SHISA9: variants seen among roughly 807,000 people sequenced by gnomAD.
The protein encoded by SHISA9 is protein shisa-9.
In SHISA9, 13 loss-of-function variants were observed where a neutral mutation model predicts 38.0. That is an observed-to-expected ratio of 0.34 (90% CI 0.22 to 0.54). The LOEUF (loss-of-function observed/expected upper bound fraction) is 0.54. Ranked by LOEUF, SHISA9 falls within the 20% of genes least tolerant of loss-of-function variation. SHISA9 has a pLI of 0.91. For missense variants in SHISA9, 538 were observed against 575.8 expected (o/e 0.93, Z 0.67); for synonymous variants, 275 against 242.0 (o/e 1.14, Z -1.27).
chr16:13,460,953 C>T, the SHISA9 span, among the ~76,000 whole-genome samples: 30 of 152,346 alleles, frequency 2.0e-4, no homozygotes, highest in South Asian at 5.0e-3. Flanking sequence ...TCCTTCATCG[C>T]TCCTTGTTAA....
the SHISA9 span, among the ~76,000 whole-genome samples, chr16:13,528,595 G>GA: frequency 2.7e-4 from 41 of 151,986 alleles, no homozygotes; most frequent in African/African-American, 9.6e-4. Flanking sequence ...GGAGGTCATA[G>GA]AAAAAAAACT....
chr16:13,491,592 A>G, the SHISA9 span, among the ~76,000 whole-genome samples: 1 of 151,808 alleles, frequency 6.6e-6, no homozygotes, highest in Non-Finnish European at 1.5e-5. Context: ...GGTTCAAGCA[A>G]TTATTCTCAC....
chr16:13,289,356 T>C, the SHISA9 span, among the ~76,000 whole-genome samples: 38,863 of 104,614 alleles, frequency 0.37, 6,340 homozygotes, highest in Admixed American at 0.54. Context: ...CACTCAGTTT[T>C]GGTTGGTGGG....
chr16:13,172,227 CAGTG>C (rs1297333175), intron 2 of SHISA9, among the ~76,000 whole-genome samples: 2 of 152,194 alleles, frequency 1.3e-5, no homozygotes, highest in African/African-American at 4.8e-5. Flanking sequence ...ATCAGTCAAT[CAGTG>C]AGTATTAAAT....
At chr16:13,540,761 C>A in the SHISA9 span, among the ~76,000 whole-genome samples, 1 of 152,198 alleles carries the variant, frequency 6.6e-6, no homozygotes, top group South Asian at 2.1e-4. Flanking sequence ...TGTAAAATGT[C>A]AATCACAGTG....
At chr16:13,356,454 C>G in the SHISA9 span, among the ~76,000 whole-genome samples, 4 of 152,110 alleles carry the variant, frequency 2.6e-5, no homozygotes. Flanking sequence ...CCTTTAGCTC[C>G]AGCCACCTTT....
chr16:13,291,908 A>G, the SHISA9 span, among the ~76,000 whole-genome samples: 4 of 152,140 alleles, frequency 2.6e-5, no homozygotes, highest in African/African-American at 9.7e-5. Flanking sequence ...GACTACTGCT[A>G]AGAGATAGGG....
the SHISA9 span, among the ~76,000 whole-genome samples, chr16:13,520,527 C>T: frequency 8.0e-5 from 11 of 138,032 alleles, no homozygotes; most frequent in African/African-American, 2.5e-4. Flanking sequence ...CACTTGAACC[C>T]GGGAGGTGGG....
chr16:13,037,533 G>A (rs971532540), intron 2 of SHISA9, among the ~76,000 whole-genome samples: 4 of 152,042 alleles, frequency 2.6e-5, no homozygotes, highest in Non-Finnish European at 5.9e-5. Context: ...ACAGGATGGT[G>A]GATGAGAGAA....
chr16:13,431,081 C>T, the SHISA9 span, among the ~76,000 whole-genome samples: 2 of 152,198 alleles, frequency 1.3e-5, no homozygotes, highest in South Asian at 2.1e-4. Context: ...ATCTCCTACA[C>T]ATCCTCCAAG....
chr16:13,061,887 G>C (rs374472160), intron 2 of SHISA9, among the ~76,000 whole-genome samples: 2 of 152,174 alleles, frequency 1.3e-5, no homozygotes, highest in East Asian at 1.9e-4. Flanking sequence ...TTGAATGGTG[G>C]GGGGAGGAGC....
At chr16:13,325,154 TC>T in the SHISA9 span, among the ~76,000 whole-genome samples, 1 of 152,180 alleles carries the variant, frequency 6.6e-6, no homozygotes, top group African/African-American at 2.4e-5. Flanking sequence ...GGAAGGAGAT[TC>T]TCTACAGAAT....
chr16:13,286,276 G>A, the SHISA9 span, among the ~76,000 whole-genome samples: 10 of 152,242 alleles, frequency 6.6e-5, no homozygotes, highest in East Asian at 1.9e-3. Flanking sequence ...GACCCCCTGA[G>A]GCTGTGTCAC....
the SHISA9 span, among the ~76,000 whole-genome samples, chr16:13,295,345 A>C: frequency 6.6e-6 from 1 of 152,216 alleles, no homozygotes; most frequent in Non-Finnish European, 1.5e-5. Flanking sequence ...TATCAGCCTG[A>C]ATTCAGAGAA....
chr16:13,181,282 T>C (rs1596707997), intron 2 of SHISA9, among the ~76,000 whole-genome samples: 1 of 57,048 alleles, frequency 1.8e-5, no homozygotes, highest in East Asian at 5.9e-4. Flanking sequence ...TATATATATA[T>C]ATATATATAT....
chr16:13,394,215 C>A, the SHISA9 span, among the ~76,000 whole-genome samples: 1 of 152,202 alleles, frequency 6.6e-6, no homozygotes, highest in Non-Finnish European at 1.5e-5. Context: ...AGTCCCAATG[C>A]CCAGCCTGGA....
At chr16:13,404,496 C>G in the SHISA9 span, among the ~76,000 whole-genome samples, 1 of 152,102 alleles carries the variant, frequency 6.6e-6, no homozygotes, top group Non-Finnish European at 1.5e-5. Flanking sequence ...GGCAGAGATA[C>G]AGCACATGCA....
the SHISA9 span, among the ~76,000 whole-genome samples, chr16:13,286,614 C>A: frequency 1.3e-5 from 2 of 152,102 alleles, no homozygotes; most frequent in Non-Finnish European, 2.9e-5. Flanking sequence ...AGAAGAAACA[C>A]GTCATCTGCA....
the SHISA9 span, among the ~76,000 whole-genome samples, chr16:13,492,363 C>T: frequency 1.4e-3 from 218 of 152,238 alleles, 1 homozygote; most frequent in African/African-American, 4.6e-3. Context: ...CTTGGAGAGC[C>T]TCTGGGTCAC....
Sources: gnomAD v4.1 joint callset for allele counts (sites outside exome capture counted in the v4.1 genomes callset) on GRCh38, gnomAD v4.1.1 for gene constraint, MANE v1.5 for transcripts, NCBI Gene and HGNC (gene_info 2026-07-23, HGNC 2026-07-21) for gene names.